Variants in RIMS2 observed in about 807,000 individuals in gnomAD.
RIMS2 encodes regulating synaptic membrane exocytosis 2, also known as regulating synaptic membrane exocytosis protein 2.
Under a neutral mutation model 174.4 loss-of-function variants are expected in RIMS2, and 59 were observed. The observed-to-expected ratio is 0.34, with a 90% CI of 0.27 to 0.42. The LOEUF is 0.42. RIMS2 is among the 10% of genes least tolerant of loss of function. RIMS2 has a pLI of 1.00. For missense variants in RIMS2, 1,620 were observed against 1,666.3 expected, an observed-to-expected ratio of 0.97 and a Z score of 0.48; for synonymous variants, 606 against 572.5, an observed-to-expected ratio of 1.06 and a Z score of -0.84.
At chr8:104,118,216 G>A (rs1320082524) in intron 19 of RIMS2, among the ~76,000 whole-genome samples, 1 of 151,898 alleles carries the variant, frequency 6.6e-6, no homozygotes, top group Non-Finnish European at 1.5e-5. Flanking sequence ...TATAGTGTGA[G>A]ATATTCTTAT....
chr8:103,720,787 A>T (rs2097436430), intron 2 of RIMS2, among the ~76,000 whole-genome samples: 1 of 152,246 alleles, frequency 6.6e-6, no homozygotes, highest in Admixed American at 6.5e-5. Flanking sequence ...AGTTTTGAGT[A>T]GTTTAAAAGG....
At chr8:104,032,899 G>A (rs1034092555) in intron 19 of RIMS2, among the ~76,000 whole-genome samples, 1 of 151,882 alleles carries the variant, frequency 6.6e-6, no homozygotes, top group African/African-American at 2.4e-5. Context: ...AGACAAGACA[G>A]ATACAGCAGT....
At position 104,223,407 on chromosome 8, in the gene RIMS2, C is replaced by A. The variant is rs533171265; in HGVS notation, c.3335-21509C>A. On this transcript the variant is annotated intron_variant, in intron 19 of 23. Transcript: ENST00000504942. ...ACCTCGGACGTTCACTGCGAGCAGC[C>A]GCTCCGCCCGCCACCGCCTCCATCT... is the stretch of plus-strand genomic sequence containing the variant. The A allele has an allele frequency of 9.0e-5, 114 of 1,272,286 alleles. No individual in the cohort carries two copies. In the Middle Eastern group the frequency reaches 1.5e-3, roughly 17 times the overall value. 78.8% of individuals were successfully genotyped at this position (1,272,286 alleles called of 1,614,324 possible).
intron 1 of RIMS2, among the ~76,000 whole-genome samples, chr8:103,681,611 G>A (rs2096881744): frequency 6.6e-6 from 1 of 151,870 alleles, no homozygotes; most frequent in African/African-American, 2.4e-5. Context: ...GTCTATAATG[G>A]GATGAAAGAA....
chr8:103,960,947 A>C, intron 14 of RIMS2, 118 bp from the exon 17 acceptor site: 1 of 697,610 alleles, frequency 1.4e-6, no homozygotes, highest in Non-Finnish European at 2.6e-6. Context: ...TCTTCTGTAC[A>C]TATTTTTTGT....
At chr8:103,681,599 T>C (rs902313852) in intron 1 of RIMS2, among the ~76,000 whole-genome samples, 10 of 151,978 alleles carry the variant, frequency 6.6e-5, no homozygotes, top group Non-Finnish European at 1.5e-4. Flanking sequence ...GTATAAAATA[T>C]AGTCTATAAT....
chr8:104,159,456 G>T (rs1234621620), intron 19 of RIMS2, among the ~76,000 whole-genome samples: 1 of 152,110 alleles, frequency 6.6e-6, no homozygotes, highest in Non-Finnish European at 1.5e-5. Context: ...GCTTGATGGG[G>T]ATAGCATTGA....
At chr8:103,652,311 T>G in intron 1 of RIMS2, 74 bp downstream of exon 2, 3 of 804,956 alleles carry the variant, frequency 3.7e-6, no homozygotes, top group Non-Finnish European at 5.7e-6. Flanking sequence ...TGGTATTAGC[T>G]TACACTAATA....
In RIMS2 at chr8:103,608,332, G is replaced by A. The variant is rs1189179428; in HGVS notation, c.177-88754G>A. ...GCTCGGGGGTCAGGGACCCACTTGA[G>A]GAGGCAGTCTGCCCGTTCTCAGATC... On this transcript the variant is annotated intron_variant, in intron 1 of 23. Coordinates refer to ENST00000504942, the Ensembl canonical transcript of RIMS2. Among the ~76,000 whole-genome samples, 24 of 143,646 alleles carry A rather than the reference G, an allele frequency of 1.7e-4. 2 individuals carry two copies. Among genetic ancestry groups the A allele is most frequent in the Non-Finnish European group, 3.2e-4 (21 of 65,428 alleles). The allele number at this position is 143,646 out of a possible 152,430, so 94.2% of individuals were successfully genotyped here.
chr8:103,728,748 C>CTTTTTTTTTTTTTTT (rs71575982), intron 2 of RIMS2, among the ~76,000 whole-genome samples: 13 of 92,652 alleles, frequency 1.4e-4, no homozygotes, highest in African/African-American at 2.9e-4. Context: ...TATGCTCCTT[C>CTTTTTTTTTTTTTTT]TTTTTTTTTT....
At chr8:103,669,078 T>G (rs2096711787) in intron 1 of RIMS2, among the ~76,000 whole-genome samples, 1 of 152,170 alleles carries the variant, frequency 6.6e-6, no homozygotes, top group Non-Finnish European at 1.5e-5. Flanking sequence ...GGAAAGAGGT[T>G]TAATGGACTC....
chr8:103,616,529 G>A (rs2134417826), intron 1 of RIMS2, among the ~76,000 whole-genome samples: 1 of 152,222 alleles, frequency 6.6e-6, no homozygotes, highest in Admixed American at 6.6e-5. Context: ...GAGCAGTCAG[G>A]CAAGAGAAAG....
intron 1 of RIMS2, among the ~76,000 whole-genome samples, chr8:103,678,909 G>A (rs944727991): frequency 6.6e-6 from 1 of 151,890 alleles, no homozygotes; most frequent in African/African-American, 2.4e-5. Flanking sequence ...TTAAGGATTG[G>A]CAATAAATGC....
chr8:103,918,581 TATG>T, intron 9 of RIMS2, 94 bp downstream of exon 12: 1 of 867,136 alleles, frequency 1.2e-6, no homozygotes, highest in Non-Finnish European at 2.0e-6. Context: ...AAGTAAGAAA[TATG>T]ATAACCTTGT....
intron 3 of RIMS2, among the ~76,000 whole-genome samples, chr8:103,856,928 T>C (rs1302202652): frequency 1.3e-5 from 2 of 152,118 alleles, no homozygotes; most frequent in Non-Finnish European, 2.9e-5. Context: ...TGCCTCAACC[T>C]CCCGAGTAGC....
intron 19 of RIMS2, among the ~76,000 whole-genome samples, chr8:104,129,153 G>A (rs1353308081): frequency 6.6e-6 from 1 of 151,928 alleles, no homozygotes; most frequent in Non-Finnish European, 1.5e-5. Flanking sequence ...GAGAGTGTGA[G>A]GCAGGATAGA....
At chr8:103,662,369 A>G (rs1461256056) in intron 1 of RIMS2, among the ~76,000 whole-genome samples, 1 of 152,246 alleles carries the variant, frequency 6.6e-6, no homozygotes, top group African/African-American at 2.4e-5. Flanking sequence ...TTAAATTTAC[A>G]CAAATTGTAA....
At chr8:103,745,289 C>T (rs1355489466) in intron 2 of RIMS2, among the ~76,000 whole-genome samples, 1 of 152,122 alleles carries the variant, frequency 6.6e-6, no homozygotes, top group Non-Finnish European at 1.5e-5. Flanking sequence ...TGTGTTGTAG[C>T]AAGAATTAAT....
chr8:103,728,220 G>C (rs1184779810), intron 2 of RIMS2, among the ~76,000 whole-genome samples: 1 of 151,866 alleles, frequency 6.6e-6, no homozygotes, highest in Non-Finnish European at 1.5e-5. Flanking sequence ...TGACTTTCTT[G>C]ATTTCTTTTT....
Sources: gnomAD v4.1 joint callset for allele counts (sites outside exome capture counted in the v4.1 genomes callset) on GRCh38, gnomAD v4.1.1 for gene constraint, MANE v1.5 for transcripts, NCBI Gene and HGNC (gene_info 2026-07-23, HGNC 2026-07-21) for gene names.